The following SLCO2A1 variants were observed in gnomAD, a reference collection of about 807,000 sequenced individuals.
The protein encoded by SLCO2A1 is matrin F/G 1.
In SLCO2A1, 60 loss-of-function variants were observed where a neutral mutation model predicts 71.7. The observed-to-expected ratio is 0.84, with a 90% CI of 0.68 to 1.04. The LOEUF is 1.04. Among genes scored for constraint, SLCO2A1 ranks in the 50% least tolerant of loss-of-function variants. SLCO2A1 has a pLI of 0.00. For missense variants in SLCO2A1, 745 were observed against 813.4 expected, an observed-to-expected ratio of 0.92 and a Z score of 1.02; for synonymous variants, 308 against 326.7, an observed-to-expected ratio of 0.94 and a Z score of 0.62.
At chr3:133,957,021 T>C (rs907712666) in intron 3 of SLCO2A1, among the ~76,000 whole-genome samples, 1 of 152,234 alleles carries the variant, frequency 6.6e-6, no homozygotes, top group Non-Finnish European at 1.5e-5. Context: ...TTTTTGTAAA[T>C]AAATATATCC....
At chr3:133,934,888 G>A in intron 13 of SLCO2A1, 58 bp from the exon 14 acceptor site, 7 of 1,388,376 alleles carry the variant, frequency 5.0e-6, no homozygotes, top group Non-Finnish European at 7.1e-6. Context: ...CCACATCCCA[G>A]GGCCAGGACC....
chr3:133,935,996 G>A, intron 12 of SLCO2A1, 99 bp from the exon 13 acceptor site: 1 of 1,294,122 alleles, frequency 7.7e-7, no homozygotes, highest in Non-Finnish European at 1.0e-6. Flanking sequence ...TCACATACAT[G>A]AGAACGGCTC....
chr3:133,979,767 G>C, intron 1 of SLCO2A1, 149 bp from the exon 2 acceptor site: 1 of 813,284 alleles, frequency 1.2e-6, no homozygotes, highest in Non-Finnish European at 1.9e-6. Flanking sequence ...AGGATGAAAC[G>C]TCATCATTGC....
At chr3:133,947,661 C>T (rs1211052628) in intron 8 of SLCO2A1, among the ~76,000 whole-genome samples, 2 of 152,182 alleles carry the variant, frequency 1.3e-5, no homozygotes, top group African/African-American at 4.8e-5. Context: ...CTTGCCTACA[C>T]AAAAAATACA....
At chr3:134,018,726 G>A (rs1163209582) in intron 1 of SLCO2A1, among the ~76,000 whole-genome samples, 1 of 152,164 alleles carries the variant, frequency 6.6e-6, no homozygotes, top group African/African-American at 2.4e-5. Flanking sequence ...ACTTCCTGAA[G>A]CCGCCAGGAT....
chr3:133,982,771 C>T lies in SLCO2A1; in HGVS notation c.97-3153G>A, dbSNP rs1934623704. ...GCAACAGCCTCTCACAGGTCCCCTG[C>T]TTGCTCCTCTCAAATCTTCCACCAC... is the stretch of plus-strand genomic sequence containing the variant. On this transcript the variant is annotated intron_variant, in intron 1 of 13. Transcript: ENST00000310926. Among the ~76,000 whole-genome samples, 6 of 152,218 alleles carry T rather than the reference C, an allele frequency of 3.9e-5. No homozygotes were observed. In the South Asian group the frequency reaches 1.2e-3, roughly 32 times the overall value.
At chr3:133,951,372 T>C in intron 5 of SLCO2A1, 28 bp from the exon 6 acceptor site, 1 of 1,611,888 alleles carries the variant, frequency 6.2e-7, no homozygotes, top group Non-Finnish European at 8.5e-7. Context: ...AGTGCAAATG[T>C]TTGTTGAATG....
At chr3:134,005,607 G>A (rs559485130) in intron 1 of SLCO2A1, among the ~76,000 whole-genome samples, 4 of 150,446 alleles carry the variant, frequency 2.7e-5, no homozygotes, top group South Asian at 2.1e-4. Flanking sequence ...TCAGCCTCCC[G>A]AGTAGCTGGG....
chr3:134,023,025 C>T lies in SLCO2A1; in HGVS notation c.96+6682G>A, dbSNP rs897877566. 2.6e-4 allele frequency among the ~76,000 whole-genome samples: 40 copies of T among 152,256 alleles called. 1 individual carries two copies. The highest frequency in any genetic ancestry group is 5.4e-4 in the Non-Finnish European group (37 of 68,010). ...TAAACCAGCACCAGCCTGAAGATCACGTTCTCATCAAAGGGTGGAAAGAAG... is the reference window on the plus strand; with the variant it reads ...TAAACCAGCACCAGCCTGAAGATCATGTTCTCATCAAAGGGTGGAAAGAAG... On this transcript the variant is annotated intron_variant, in intron 1 of 13. Transcript: ENST00000310926.
At chr3:133,954,809 C>T (rs1933840182) in intron 4 of SLCO2A1, among the ~76,000 whole-genome samples, 157 bp downstream of exon 4, 1 of 152,182 alleles carries the variant, frequency 6.6e-6, no homozygotes, top group Non-Finnish European at 1.5e-5. Context: ...ATGGAGCTGA[C>T]ATTCAAACCA....
At chr3:133,993,894 G>T (rs564170906) in intron 1 of SLCO2A1, among the ~76,000 whole-genome samples, 1 of 152,172 alleles carries the variant, frequency 6.6e-6, no homozygotes, top group African/African-American at 2.4e-5. Flanking sequence ...AGAGTTTGAA[G>T]ATTAAGCCCT....
intron 4 of SLCO2A1, 138 bp downstream of exon 4, chr3:133,954,828 G>A (rs1486202171): frequency 8.5e-5 from 55 of 649,078 alleles, no homozygotes; most frequent in Non-Finnish European, 4.7e-5. Flanking sequence ...CAAGTCTGTC[G>A]GATCCCCAGG....
intron 10 of SLCO2A1, among the ~76,000 whole-genome samples, chr3:133,943,168 T>C (rs1933474731): frequency 6.6e-6 from 1 of 152,192 alleles, no homozygotes; most frequent in Admixed American, 6.5e-5. Flanking sequence ...GAGGGAGGCA[T>C]AAACAGTAGG....
rs1253201283 is a variant in SLCO2A1, at chr3:133,971,254, C to T, written c.397+2409G>A. ...CAGTGCAGCCAGGCTGGCCACACTG[C>T]TCTCTGAGAAGATGGCCAGCAACTC... is the stretch of plus-strand genomic sequence containing the variant. On this transcript the variant is annotated intron_variant, in intron 3 of 13. Coordinates refer to ENST00000310926, the MANE Select transcript of SLCO2A1 (RefSeq NM_005630.3). Among the ~76,000 whole-genome samples the T allele has an allele frequency of 2.6e-5, 4 of 152,362 alleles. No individual in the cohort carries two copies. In the East Asian group the frequency reaches 7.7e-4, roughly 29 times the overall value.
intron 1 of SLCO2A1, among the ~76,000 whole-genome samples, chr3:133,990,132 G>A (rs561636894): frequency 2.0e-5 from 3 of 152,356 alleles, no homozygotes; most frequent in Non-Finnish European, 4.4e-5. Context: ...TGCCAAGCCC[G>A]CGGGCTCCCC....
intron 1 of SLCO2A1, among the ~76,000 whole-genome samples, chr3:133,986,945 T>C (rs1351880643): frequency 2.0e-5 from 3 of 152,192 alleles, no homozygotes; most frequent in African/African-American, 7.2e-5. Flanking sequence ...CACAGTGGCA[T>C]CTAACCGTGG....
chr3:133,976,630 G>C (rs992270766), intron 2 of SLCO2A1, among the ~76,000 whole-genome samples: 5 of 151,378 alleles, frequency 3.3e-5, no homozygotes, highest in Non-Finnish European at 2.9e-5. Context: ...GCTGAGAAGA[G>C]AGCCTCAAGA....
chr3:133,978,251 G>A (rs1934506240), intron 2 of SLCO2A1, among the ~76,000 whole-genome samples: 1 of 152,202 alleles, frequency 6.6e-6, no homozygotes. Flanking sequence ...AATCCACAGA[G>A]GAGGCCTCGG....
chr3:133,964,533 T>C (rs1934120195), intron 3 of SLCO2A1, among the ~76,000 whole-genome samples: 1 of 152,186 alleles, frequency 6.6e-6, no homozygotes, highest in South Asian at 2.1e-4. Flanking sequence ...AGATCAATGC[T>C]GGTCACCAGC....
Sources: allele counts gnomAD v4.1 joint callset (sites outside exome capture counted in the v4.1 genomes callset), GRCh38; gene constraint gnomAD v4.1.1; transcripts MANE v1.5; gene names NCBI Gene and HGNC (gene_info 2026-07-23, HGNC 2026-07-21).